Variants in PCSK5 observed in about 807,000 individuals in gnomAD.
PCSK5 encodes the protein prohormone convertase 5.
A neutral mutation model predicts 233.2 loss-of-function variants in PCSK5; 129 were observed. The observed-to-expected ratio is 0.55, with a 90% CI of 0.48 to 0.64. PCSK5 has a LOEUF of 0.64. Among genes scored for constraint, PCSK5 ranks in the 30% least tolerant of loss-of-function variants. The probability of loss-of-function intolerance (pLI) is 0.00; values close to 1 mark genes in which losing one functional copy is unlikely to be tolerated. For missense variants in PCSK5, 2,076 were observed against 2,430.1 expected, an observed-to-expected ratio of 0.85 and a Z score of 3.06; for synonymous variants, 825 against 879.2, an observed-to-expected ratio of 0.94 and a Z score of 1.09.
chr9:75,941,131 T>C (rs1587393527), intron 2 of PCSK5, among the ~76,000 whole-genome samples: 1 of 152,178 alleles, frequency 6.6e-6, no homozygotes, highest in Non-Finnish European at 1.5e-5. Context: ...CTGCCCTCCT[T>C]CCAGCGGGCG....
At chr9:76,046,160 G>GGTTTTTTTTTT (rs1829367688) in intron 5 of PCSK5, among the ~76,000 whole-genome samples, 1 of 58,024 alleles carries the variant, frequency 1.7e-5, no homozygotes, top group African/African-American at 6.8e-5. Flanking sequence ...TTTTTCTTTT[G>GGTTTTTTTTTT]TTTTTTTTTT....
chr9:76,163,044 A>G (rs758342446), intron 12 of PCSK5, among the ~76,000 whole-genome samples: 22 of 152,326 alleles, frequency 1.4e-4, no homozygotes, highest in Middle Eastern at 3.4e-3. Context: ...GACAATGAGG[A>G]TGAAGCAGAG....
chr9:76,253,994 A>G (rs1000630945), intron 24 of PCSK5, among the ~76,000 whole-genome samples: 4 of 152,148 alleles, frequency 2.6e-5, no homozygotes, highest in African/African-American at 7.2e-5. Flanking sequence ...CATCTTCATC[A>G]TGGGTGAGCT....
intron 2 of PCSK5, among the ~76,000 whole-genome samples, chr9:75,979,453 C>G (rs1352802926): frequency 2.0e-5 from 3 of 152,122 alleles, no homozygotes; most frequent in East Asian, 1.9e-4. Flanking sequence ...ACCTGTATCC[C>G]CCTTCTAGAT....
At chr9:76,242,171 A>G (rs973465152) in intron 24 of PCSK5, among the ~76,000 whole-genome samples, 4 of 152,196 alleles carry the variant, frequency 2.6e-5, no homozygotes, top group Admixed American at 6.5e-5. Context: ...TGTGATGATC[A>G]AGTCAGGGTA....
intron 24 of PCSK5, among the ~76,000 whole-genome samples, chr9:76,245,761 C>T (rs971863853): frequency 6.6e-6 from 1 of 152,082 alleles, no homozygotes; most frequent in Admixed American, 6.5e-5. Flanking sequence ...CTTCTAAAAA[C>T]AGAAGTGGGA....
At chr9:76,004,004 C>T (rs78363739) in intron 3 of PCSK5, among the ~76,000 whole-genome samples, 2,183 of 152,108 alleles carry the variant, frequency 0.014, 45 homozygotes, top group African/African-American at 0.049. Context: ...TTTCGTGTTC[C>T]GTAGGTTGGT....
intron 1 of PCSK5, among the ~76,000 whole-genome samples, chr9:75,927,053 C>T (rs1038164136): frequency 6.6e-6 from 1 of 152,132 alleles, no homozygotes; most frequent in African/African-American, 2.4e-5. Context: ...TTTCCAAAGA[C>T]GTTGAACAAT....
intron 10 of PCSK5, among the ~76,000 whole-genome samples, chr9:76,149,480 A>C (rs191707570): frequency 1.3e-5 from 2 of 152,338 alleles, no homozygotes; most frequent in Non-Finnish European, 2.9e-5. Context: ...AAATTAAATA[A>C]AGAATTATCT....
intron 4 of PCSK5, among the ~76,000 whole-genome samples, chr9:76,026,063 C>A (rs1362069130): frequency 6.6e-6 from 1 of 152,092 alleles, no homozygotes; most frequent in African/African-American, 2.4e-5. Context: ...GCCGTGATCA[C>A]ACCACTGCCC....
chr9:76,001,551 G>A (rs1178901149), intron 3 of PCSK5, among the ~76,000 whole-genome samples: 3 of 136,150 alleles, frequency 2.2e-5, no homozygotes, highest in South Asian at 2.3e-4. Context: ...ATATTCCAAC[G>A]ATATGCATTA....
In PCSK5 at chr9:76,134,111, C is replaced by T; in HGVS notation, c.1211C>T (p.Pro404Leu). 3 of 1,579,472 alleles carry T rather than the reference C, an allele frequency of 1.9e-6. No homozygotes were observed. The highest frequency in any genetic ancestry group is 1.7e-6 in the Non-Finnish European group (2 of 1,157,110). Residue 404 changes from proline (P) to leucine (L), a missense_variant and splice_region_variant, in exon 10 of 38, where the codon CCG (proline) becomes CTG (leucine). Around this residue, in one of 6 missense-constraint regions of PCSK5, gnomAD observed 178 missense variants for 393.6 expected, o/e 0.45. Transcript: ENST00000674117. ...GIIALALEAN[P>L]FLTWRDVQHV... Reference sequence around the variant, plus strand: ...ATTCTTACCTTGTCTTTCCCCAGTCCGTTTCTGACCTGGAGAGACGTACAG... The same window carrying T: ...ATTCTTACCTTGTCTTTCCCCAGTCTGTTTCTGACCTGGAGAGACGTACAG...
Position 76,101,324 on chromosome 9 carries a change from C to G in PCSK5, c.1107+5222C>G, listed in dbSNP as rs116190895. Among the ~76,000 whole-genome samples the G allele has an allele frequency of 6.2e-3, 947 of 152,194 alleles. 9 individuals carry two copies. Among genetic ancestry groups the G allele is most frequent in the African/African-American group, 0.022 (895 of 41,526 alleles). ...TTTCTTTCAGAGAAACTTCTTCTGT[C>G]GGTAGGTTGGTGAAAGTGAAACGTT... is the stretch of plus-strand genomic sequence containing the variant. On this transcript the variant is annotated intron_variant, in intron 8 of 37. Coordinates refer to ENST00000674117, the MANE Select transcript of PCSK5 (RefSeq NM_001372043.1).
intron 5 of PCSK5, among the ~76,000 whole-genome samples, chr9:76,060,526 A>T (rs962913826): frequency 6.6e-6 from 1 of 152,162 alleles, no homozygotes; most frequent in Non-Finnish European, 1.5e-5. Context: ...GAAAATCCAT[A>T]TATAAGTGGA....
intron 5 of PCSK5, among the ~76,000 whole-genome samples, chr9:76,049,953 A>G (rs1302073237): frequency 6.6e-6 from 1 of 152,176 alleles, no homozygotes; most frequent in Non-Finnish European, 1.5e-5. Context: ...CATTAAATAT[A>G]TTTATTGTTA....
At position 76,159,050 on chromosome 9, in the gene PCSK5, C is replaced by T. The variant is rs34579561; in HGVS notation, c.1498C>T (p.Arg500Cys). The T allele has an allele frequency of 5.1e-5, 83 of 1,614,156 alleles. No individual in the cohort carries two copies. Among genetic ancestry groups the T allele is most frequent in the South Asian group, 3.7e-4 (34 of 91,082 alleles). Residue 500 changes from arginine (R) to cysteine (C), a missense_variant, in exon 12 of 38, where the codon CGC (arginine) becomes TGC (cysteine). Transcript: ENST00000674117. ...KASGCSDNPN[R>C]HVNYLEHVVV... Reference sequence around the variant, plus strand: ...TTCAGGCTGCTCGGATAACCCCAACCGCCATGTCAACTACCTGGAGCACGT... The same window carrying T: ...TTCAGGCTGCTCGGATAACCCCAACTGCCATGTCAACTACCTGGAGCACGT...
At chr9:76,056,738 A>G (rs1041483) in intron 5 of PCSK5, among the ~76,000 whole-genome samples, 3,541 of 152,320 alleles carry the variant, frequency 0.023, 66 homozygotes, top group Non-Finnish European at 0.034. Flanking sequence ...TTTCATGTTT[A>G]CTAGGGCTTT....
At chr9:75,905,865 G>A (rs919395683) in intron 1 of PCSK5, among the ~76,000 whole-genome samples, 4 of 152,142 alleles carry the variant, frequency 2.6e-5, no homozygotes, top group Non-Finnish European at 5.9e-5. Flanking sequence ...CCCTGTCCAT[G>A]GAAAAATTTT....
chr9:76,054,461 G>T (rs558197911), intron 5 of PCSK5, among the ~76,000 whole-genome samples: 8 of 152,290 alleles, frequency 5.3e-5, no homozygotes, highest in Non-Finnish European at 4.4e-5. Flanking sequence ...GGAGAGAAAA[G>T]ATATCAAAGA....
Sources: allele counts gnomAD v4.1 joint callset (sites outside exome capture counted in the v4.1 genomes callset), GRCh38; gene constraint gnomAD v4.1.1; regional missense constraint gnomAD v4.1.1; transcripts MANE v1.5; gene names NCBI Gene and HGNC (gene_info 2026-07-23, HGNC 2026-07-21).